The following ZDHHC21 variants were observed in gnomAD, a reference collection of about 807,000 sequenced individuals.
The protein encoded by ZDHHC21 is zDHHC palmitoyltransferase 21.
ZDHHC21 carries 15 observed loss-of-function variants against 34.6 expected under a neutral mutation model. That is an observed-to-expected ratio of 0.43 (90% CI 0.29 to 0.67). The LOEUF is 0.67. Ranked by LOEUF, ZDHHC21 falls within the 30% of genes least tolerant of loss-of-function variation. The pLI, the probability that ZDHHC21 is intolerant of heterozygous loss-of-function variation, is 0.14. For synonymous variants in ZDHHC21, 142 were observed against 101.8 expected (o/e 1.40, Z -2.38); for missense variants, 344 against 327.7 (o/e 1.05, Z -0.38).
At chr9:14,641,618 C>G (rs1829396580) in intron 7 of ZDHHC21, among the ~76,000 whole-genome samples, 1 of 152,016 alleles carries the variant, frequency 6.6e-6, no homozygotes, top group African/African-American at 2.4e-5. Context: ...ACCTCAGTTT[C>G]TCTTCCATGC....
At chr9:14,634,471 C>T (rs760290853) in intron 8 of ZDHHC21, among the ~76,000 whole-genome samples, 1 of 152,140 alleles carries the variant, frequency 6.6e-6, no homozygotes, top group African/African-American at 2.4e-5. Flanking sequence ...CTTGCTGCTG[C>T]CACCACTAAG....
At chr9:14,628,476 C>G (rs1478024656) in intron 8 of ZDHHC21, among the ~76,000 whole-genome samples, 1 of 152,112 alleles carries the variant, frequency 6.6e-6, no homozygotes, top group Non-Finnish European at 1.5e-5. Flanking sequence ...TGTTTGATGT[C>G]TAGTAGGTCT....
rs1831968024 is a variant in ZDHHC21, at chr9:14,655,198, T to C, written c.504+3551A>G. Among the ~76,000 whole-genome samples, 4 of 151,836 alleles carry C rather than the reference T, an allele frequency of 2.6e-5. No homozygotes were observed. The South Asian group carries it at 8.3e-4, about 32-fold the overall frequency. ...AGAAATGATGGAAACCATAAGACAA[T>C]GGAATAACATCTTTTAAAAACTGAA... On this transcript the variant is annotated intron_variant, in intron 7 of 9. Coordinates refer to ENST00000380916, the MANE Select transcript of ZDHHC21 (RefSeq NM_178566.6).
chr9:14,635,483 T>A (rs184137672), intron 8 of ZDHHC21, among the ~76,000 whole-genome samples: 1 of 152,366 alleles, frequency 6.6e-6, no homozygotes, highest in East Asian at 1.9e-4. Flanking sequence ...ACTAACAGTG[T>A]ATTTCTCCAC....
intron 1 of ZDHHC21, among the ~76,000 whole-genome samples, chr9:14,692,742 CTGTT>C (rs996637823): frequency 5.3e-5 from 8 of 152,036 alleles, no homozygotes; most frequent in Non-Finnish European, 8.8e-5. Flanking sequence ...AAGGAGCAAA[CTGTT>C]TGTCCTCTCT....
chr9:14,641,840 G>A (rs903085076), intron 7 of ZDHHC21, among the ~76,000 whole-genome samples: 18 of 146,756 alleles, frequency 1.2e-4, no homozygotes, highest in African/African-American at 5.0e-4. Context: ...AAAGAGTGCT[G>A]TTGTTTTTAT....
the ZDHHC21 span, among the ~76,000 whole-genome samples, chr9:14,605,076 G>A: frequency 1.0e-3 from 156 of 152,102 alleles, no homozygotes; most frequent in Non-Finnish European, 1.6e-3. Context: ...TCCATTGTAC[G>A]TATATACTAA....
At chr9:14,641,058 CT>C (rs1230273210) in intron 7 of ZDHHC21, among the ~76,000 whole-genome samples, 1 of 152,116 alleles carries the variant, frequency 6.6e-6, no homozygotes. Context: ...CACCCACATG[CT>C]TTCTTTTATA....
downstream of ZDHHC21, among the ~76,000 whole-genome samples, chr9:14,607,067 CACTGTT>C (rs1352264130): frequency 7.4e-6 from 1 of 134,708 alleles, no homozygotes; most frequent in African/African-American, 2.9e-5. Context: ...TCCTCCATAG[CACTGTT>C]ACTAATAGCA....
chr9:14,608,429 C>T (rs1823086912), downstream of ZDHHC21, among the ~76,000 whole-genome samples: 1 of 152,160 alleles, frequency 6.6e-6, no homozygotes, highest in Non-Finnish European at 1.5e-5. Context: ...TACGTGTCTA[C>T]AGTAGTATCT....
chr9:14,641,345 G>C (rs1317180044), intron 7 of ZDHHC21, among the ~76,000 whole-genome samples: 2 of 152,056 alleles, frequency 1.3e-5, no homozygotes, highest in Non-Finnish European at 2.9e-5. Context: ...ACCCAATATA[G>C]AATCCCTATA....
chr9:14,592,060 T>C, the ZDHHC21 span, among the ~76,000 whole-genome samples: 20 of 152,266 alleles, frequency 1.3e-4, no homozygotes, highest in South Asian at 8.3e-4. Context: ...ATTGGTACAA[T>C]TGGATGTCTG....
At chr9:14,607,279 C>T (rs2133348994), downstream of ZDHHC21, among the ~76,000 whole-genome samples, 1 of 152,150 alleles carries the variant, frequency 6.6e-6, no homozygotes, top group East Asian at 1.9e-4. Flanking sequence ...AAAATCCCGA[C>T]TCTACAAAAA....
intron 8 of ZDHHC21, among the ~76,000 whole-genome samples, chr9:14,631,839 C>T (rs1011032409): frequency 1.3e-5 from 2 of 152,080 alleles, no homozygotes; most frequent in Non-Finnish European, 2.9e-5. Flanking sequence ...TTTATACGGG[C>T]GCAGTTTGTG....
chr9:14,658,903 G>A lies in ZDHHC21; in HGVS notation c.366-16C>T. Reference sequence around the variant, plus strand: ...ATTGTTAATCCTAAAGAAAAAAAATGAAAAAGAAACAATATTTTAAATTTC... The same window carrying A: ...ATTGTTAATCCTAAAGAAAAAAAATAAAAAAGAAACAATATTTTAAATTTC... On this transcript the variant is annotated splice_polypyrimidine_tract_variant and intron_variant, in intron 6 of 9. Coordinates refer to ENST00000380916, the MANE Select transcript of ZDHHC21 (RefSeq NM_178566.6). 6 of 1,591,594 alleles carry A rather than the reference G, an allele frequency of 3.8e-6. No individual in the cohort carries two copies. Among genetic ancestry groups the A allele is most frequent in the Non-Finnish European group, 5.1e-6 (6 of 1,172,450 alleles).
the ZDHHC21 span, among the ~76,000 whole-genome samples, chr9:14,602,525 T>A: frequency 6.6e-6 from 1 of 151,298 alleles, no homozygotes; most frequent in African/African-American, 2.4e-5. Context: ...TCTTTTCCAA[T>A]GCACACACCA....
At chr9:14,662,128 A>G (rs556446504) in intron 6 of ZDHHC21, 87 bp downstream of exon 6, 54 of 812,970 alleles carry the variant, frequency 6.6e-5, no homozygotes, top group Admixed American at 6.4e-4. Context: ...TAACTTTAAC[A>G]TAACTGTTGT....
intron 7 of ZDHHC21, among the ~76,000 whole-genome samples, chr9:14,645,443 C>T (rs1490177077): frequency 6.6e-6 from 1 of 151,998 alleles, no homozygotes; most frequent in East Asian, 1.9e-4. Context: ...TCATGAGAAT[C>T]ACAAAATTCA....
In ZDHHC21 at chr9:14,616,990, T is replaced by G. The variant is rs2133399700; in HGVS notation, c.*1976A>C. 1 of 151,986 alleles carries G rather than the reference T, an allele frequency of 6.6e-6. No homozygotes were observed. Among genetic ancestry groups the G allele is most frequent in the East Asian group, 1.9e-4 (1 of 5,148 alleles). The allele number at this position is 151,986 out of a possible 1,614,324, so 9.4% of individuals were successfully genotyped here. ...CACTGCTACTACATGAAGTATAAAT[T>G]AGCCACAAAGTTCTTTAGGTGATCT... On this transcript the variant is annotated 3_prime_UTR_variant, in exon 10 of 10. Transcript: ENST00000380916.
Sources: gnomAD v4.1 joint callset for allele counts (sites outside exome capture counted in the v4.1 genomes callset) on GRCh38, gnomAD v4.1.1 for gene constraint, MANE v1.5 for transcripts, NCBI Gene and HGNC (gene_info 2026-07-23, HGNC 2026-07-21) for gene names.